Variants in ME3 observed in about 807,000 individuals in gnomAD.
ME3 encodes the protein NADP-dependent malic enzyme, mitochondrial.
A neutral mutation model predicts 68.9 loss-of-function variants in ME3; 48 were observed. That is an observed-to-expected ratio of 0.70 (90% CI 0.55 to 0.89). The LOEUF (loss-of-function observed/expected upper bound fraction) is 0.89, where lower values mean the gene tolerates loss of function less well. Among genes scored for constraint, ME3 ranks in the 40% least tolerant of loss-of-function variants. The probability of loss-of-function intolerance (pLI) is 0.00; values close to 1 mark genes in which losing one functional copy is unlikely to be tolerated. For synonymous variants in ME3, 320 were observed against 318.8 expected, an observed-to-expected ratio of 1.00 and a Z score of -0.04; for missense variants, 675 against 797.4, an observed-to-expected ratio of 0.85 and a Z score of 1.85.
chr11:86,437,642 A>T (rs1211844262), downstream of ME3, among the ~76,000 whole-genome samples: 1 of 152,142 alleles, frequency 6.6e-6, no homozygotes, highest in Non-Finnish European at 1.5e-5. Context: ...TCTATCAGCA[A>T]TGTTTTGTAG....
intron 8 of ME3, 106 bp from the exon 9 acceptor site, chr11:86,450,504 A>G: frequency 1.2e-6 from 1 of 867,498 alleles, no homozygotes; most frequent in Non-Finnish European, 1.9e-6. Context: ...GGAACAGGCA[A>G]CTTTTCTTAG....
chr11:86,442,327 C>A (rs990704557), intron 14 of ME3, among the ~76,000 whole-genome samples: 2 of 152,116 alleles, frequency 1.3e-5, no homozygotes, highest in African/African-American at 4.8e-5. Context: ...GGGTATGGAG[C>A]TTTTTCACTG....
downstream of ME3, chr11:86,437,279 A>G (rs1312365706): frequency 6.6e-6 from 1 of 152,128 alleles, no homozygotes; most frequent in African/African-American, 2.4e-5. Context: ...GCACATATAT[A>G]TTCATTTTCT....
At chr11:86,542,614 GA>G (rs1565927597) in intron 4 of ME3, among the ~76,000 whole-genome samples, 1 of 152,090 alleles carries the variant, frequency 6.6e-6, no homozygotes. Flanking sequence ...AAAAAATAAT[GA>G]AAAGGAATGA....
chr11:86,594,949 T>C (rs1959195387), intron 2 of ME3, among the ~76,000 whole-genome samples: 1 of 145,506 alleles, frequency 6.9e-6, no homozygotes, highest in Non-Finnish European at 1.5e-5. Flanking sequence ...GCTAGGCTTC[T>C]GTGGGGGATG....
chr11:86,489,160 C>G (rs1951853110), intron 6 of ME3: 1 of 152,198 alleles, frequency 6.6e-6, no homozygotes, highest in Non-Finnish European at 1.5e-5. Context: ...GTGTTGTCTT[C>G]ATCTCCATCT....
chr11:86,544,533 G>A (rs970515785), intron 4 of ME3, among the ~76,000 whole-genome samples: 27 of 152,118 alleles, frequency 1.8e-4, no homozygotes, highest in Non-Finnish European at 3.4e-4. Context: ...ACACTTCTAC[G>A]CAAATAAACT....
At chr11:86,487,555 G>C in intron 6 of ME3, 115 bp from the exon 7 acceptor site, 1 of 747,644 alleles carries the variant, frequency 1.3e-6, no homozygotes, top group South Asian at 1.7e-5. Flanking sequence ...AGAGGGGGGA[G>C]TAAGAAGGTA....
At chr11:86,604,153 G>A (rs545242499) in intron 2 of ME3, among the ~76,000 whole-genome samples, 7 of 151,800 alleles carry the variant, frequency 4.6e-5, no homozygotes, top group African/African-American at 9.7e-5. Flanking sequence ...TCTGGGTTGT[G>A]ATAAGAAGTT....
At chr11:86,665,173 C>T (rs986437292) in intron 2 of ME3, among the ~76,000 whole-genome samples, 2 of 152,176 alleles carry the variant, frequency 1.3e-5, no homozygotes, top group African/African-American at 4.8e-5. Flanking sequence ...AATGAACAAA[C>T]AGACAAAGTC....
At chr11:86,609,350 A>T (rs1009386779) in intron 2 of ME3, among the ~76,000 whole-genome samples, 1 of 152,160 alleles carries the variant, frequency 6.6e-6, no homozygotes, top group Non-Finnish European at 1.5e-5. Flanking sequence ...CTCTGAAATG[A>T]CCATGATTCT....
At chr11:86,570,104 C>T (rs896024398) in intron 2 of ME3, among the ~76,000 whole-genome samples, 3 of 152,210 alleles carry the variant, frequency 2.0e-5, no homozygotes, top group Admixed American at 6.5e-5. Flanking sequence ...GGCACACACA[C>T]AGCCATGTTT....
Position 86,497,958 on chromosome 11 carries a change from G to T in ME3, c.705+5C>A. 1 of 1,594,768 alleles carries T rather than the reference G, an allele frequency of 6.3e-7. No homozygotes were observed. Among genetic ancestry groups the T allele is most frequent in the East Asian group, 2.3e-5 (1 of 44,124 alleles). On this transcript the variant is annotated splice_donor_5th_base_variant and intron_variant, in intron 6 of 14. Coordinates refer to ENST00000543262, the Ensembl canonical transcript of ME3. ...CCAGAGCTCCTGCCCTGGGCAGTGG[G>T]TTACCTCATTGTTGGTGCCGACGTC...
chr11:86,438,775 T>G (rs1948911206), downstream of ME3, among the ~76,000 whole-genome samples: 1 of 152,196 alleles, frequency 6.6e-6, no homozygotes, highest in African/African-American at 2.4e-5. Context: ...CTTTCTCTCT[T>G]TCTTTCTCTT....
chr11:86,618,435 T>C (rs1184640041), intron 2 of ME3, among the ~76,000 whole-genome samples: 3 of 151,672 alleles, frequency 2.0e-5, no homozygotes, highest in Non-Finnish European at 2.9e-5. Context: ...AATACAAGGA[T>C]TAAATGAGAT....
rs182407020 is a variant in ME3 at position 86,617,815 on chromosome 11, G to C, written c.183+53947C>G. 5.3e-5 allele frequency among the ~76,000 whole-genome samples: 8 copies of C among 152,028 alleles called. No homozygotes were observed. The East Asian group carries it at 1.4e-3, about 26-fold the overall frequency. On this transcript the variant is annotated intron_variant, in intron 2 of 14. Transcript: ENST00000543262. ...TTTCATATATAAAATTTCTTTTTTG[G>C]GTGCTAAACTGCAGCACAGATGTGA...
At chr11:86,491,787 A>G (rs1697506254) in intron 6 of ME3, among the ~76,000 whole-genome samples, 1 of 152,222 alleles carries the variant, frequency 6.6e-6, no homozygotes, top group South Asian at 2.1e-4. Flanking sequence ...TTAAATTTGA[A>G]TTTCAGATAG....
At chr11:86,565,115 G>T (rs1412193838) in intron 2 of ME3, among the ~76,000 whole-genome samples, 1 of 152,154 alleles carries the variant, frequency 6.6e-6, no homozygotes, top group African/African-American at 2.4e-5. Context: ...AGTCAGTAGA[G>T]AAATGCAAAT....
intron 10 of ME3, among the ~76,000 whole-genome samples, chr11:86,448,486 A>C (rs1484979145): frequency 6.6e-6 from 1 of 152,110 alleles, no homozygotes; most frequent in Non-Finnish European, 1.5e-5. Flanking sequence ...AACCCAAACC[A>C]CATATGGAGA....
Sources: gnomAD v4.1 joint callset for allele counts (sites outside exome capture counted in the v4.1 genomes callset) on GRCh38, gnomAD v4.1.1 for gene constraint, MANE v1.5 for transcripts, NCBI Gene and HGNC (gene_info 2026-07-23, HGNC 2026-07-21) for gene names.